The following AFF3 variants were observed in gnomAD, a reference collection of about 807,000 sequenced individuals.
AFF3 encodes the protein ALF transcription elongation factor 3.
A neutral mutation model predicts 129.7 loss-of-function variants in AFF3; 32 were observed. That is an observed-to-expected ratio of 0.25 (90% confidence interval 0.19 to 0.33). The LOEUF is 0.33. Ranked by LOEUF, AFF3 falls within the 10% of genes least tolerant of loss-of-function variation. AFF3 has a pLI of 1.00. For synonymous variants in AFF3, 644 were observed against 635.4 expected, an observed-to-expected ratio of 1.01 and a Z score of -0.20; for missense variants, 1,373 against 1,592.0, an observed-to-expected ratio of 0.86 and a Z score of 2.34.
chr2:99,711,044 T>A (rs977227658), intron 11 of AFF3, among the ~76,000 whole-genome samples: 3 of 152,084 alleles, frequency 2.0e-5, no homozygotes, highest in Non-Finnish European at 4.4e-5. Context: ...GGAGCCAGGC[T>A]TCCTCCTGTC....
intron 10 of AFF3, among the ~76,000 whole-genome samples, chr2:99,736,811 T>C (rs1052756263): frequency 6.6e-6 from 1 of 152,202 alleles, no homozygotes; most frequent in East Asian, 1.9e-4. Flanking sequence ...GGTTTCACCA[T>C]GTTGGCCAGG....
chr2:100,132,946 T>A (rs1364356105), intron 1 of AFF3, among the ~76,000 whole-genome samples: 1 of 151,688 alleles, frequency 6.6e-6, no homozygotes, highest in Non-Finnish European at 1.5e-5. Flanking sequence ...TTTTTTTTTT[T>A]AGATACGGGG....
chr2:99,607,449 T>C (rs1680479835), intron 13 of AFF3, among the ~76,000 whole-genome samples: 1 of 151,732 alleles, frequency 6.6e-6, no homozygotes, highest in South Asian at 2.1e-4. Context: ...GGAGAATTGC[T>C]TGAACCTGGG....
intron 4 of AFF3, among the ~76,000 whole-genome samples, chr2:100,078,552 G>C (rs1688784300): frequency 1.3e-5 from 2 of 152,154 alleles, no homozygotes; most frequent in African/African-American, 4.8e-5. Flanking sequence ...AAGAGCATCA[G>C]GTCTTGTTTT....
At chr2:99,919,349 T>C (rs775378098) in intron 7 of AFF3, among the ~76,000 whole-genome samples, 3 of 152,172 alleles carry the variant, frequency 2.0e-5, no homozygotes, top group Non-Finnish European at 2.9e-5. Flanking sequence ...ATCTGTTTTA[T>C]GCCCTCTTGT....
At chr2:99,882,841 C>T (rs1407466973) in intron 7 of AFF3, among the ~76,000 whole-genome samples, 1 of 152,150 alleles carries the variant, frequency 6.6e-6, no homozygotes, top group East Asian at 1.9e-4. Flanking sequence ...CAGTAATGCA[C>T]ATTTTGACGG....
chr2:99,549,469 C>T lies in AFF3; in HGVS notation c.*2005G>A. On this transcript the variant is annotated 3_prime_UTR_variant, in exon 25 of 25. Transcript: ENST00000672756. ...GCATGGTAGTGCACACCTGTAATCC[C>T]AGCTACTTGGGAGGCTGAGGCGGGA... 5.6e-6 allele frequency: 1 copy of T among 179,178 alleles called. No homozygotes were observed. Among genetic ancestry groups the T allele is most frequent in the East Asian group, 9.4e-5 (1 of 10,672 alleles). The allele number at this position is 179,178 out of a possible 1,614,324, so 11.1% of individuals were successfully genotyped here.
chr2:99,882,246 T>C (rs1442210433), intron 7 of AFF3, among the ~76,000 whole-genome samples: 2 of 152,240 alleles, frequency 1.3e-5, no homozygotes, highest in African/African-American at 4.8e-5. Context: ...GAGGTTTGCC[T>C]GATGTCCAGG....
chr2:99,572,320 C>T (rs1032545802), intron 18 of AFF3, among the ~76,000 whole-genome samples: 7 of 126,668 alleles, frequency 5.5e-5, no homozygotes, highest in Non-Finnish European at 9.5e-5. Flanking sequence ...TAGAAACACA[C>T]GGTCTTGGTT....
intron 4 of AFF3, among the ~76,000 whole-genome samples, chr2:100,073,227 C>T (rs1171238601): frequency 6.6e-6 from 1 of 152,194 alleles, no homozygotes; most frequent in Non-Finnish European, 1.5e-5. Flanking sequence ...TGAGGTCACT[C>T]TGGAGTAGGG....
chr2:100,028,878 G>A (rs1251895914), intron 4 of AFF3, among the ~76,000 whole-genome samples: 1 of 152,130 alleles, frequency 6.6e-6, no homozygotes, highest in Non-Finnish European at 1.5e-5. Context: ...AAAATTAAAA[G>A]TAGAATTATA....
chr2:99,633,528 TTCTG>T (rs1189815474), intron 13 of AFF3, among the ~76,000 whole-genome samples: 1 of 152,170 alleles, frequency 6.6e-6, no homozygotes, highest in Non-Finnish European at 1.5e-5. Context: ...AATATGGTTT[TTCTG>T]TCCCCCAACA....
intron 7 of AFF3, among the ~76,000 whole-genome samples, chr2:99,919,465 G>A (rs1193567491): frequency 6.6e-6 from 1 of 152,104 alleles, no homozygotes; most frequent in African/African-American, 2.4e-5. Flanking sequence ...CTGCCATTAA[G>A]AGCAGAGAAG....
intron 7 of AFF3, among the ~76,000 whole-genome samples, chr2:99,972,227 C>T (rs1377775456): frequency 6.6e-6 from 1 of 152,242 alleles, no homozygotes; most frequent in Non-Finnish European, 1.5e-5. Context: ...AAGACACAGG[C>T]TGGCTTCACA....
intron 9 of AFF3, 77 bp downstream of exon 9, chr2:99,752,144 C>T: frequency 7.8e-7 from 1 of 1,282,642 alleles, no homozygotes. Flanking sequence ...AAAAGACAAT[C>T]ACGGGTAAAG....
At chr2:99,780,037 G>A (rs1684266127) in intron 8 of AFF3, among the ~76,000 whole-genome samples, 1 of 152,212 alleles carries the variant, frequency 6.6e-6, no homozygotes, top group Non-Finnish European at 1.5e-5. Flanking sequence ...GACTACTGAA[G>A]TGTCTAATGA....
At chr2:99,594,607 T>A (rs923602691) in intron 14 of AFF3, among the ~76,000 whole-genome samples, 11 of 152,212 alleles carry the variant, frequency 7.2e-5, no homozygotes, top group African/African-American at 2.7e-4. Context: ...TAAATTTTTT[T>A]ATATAATTAT....
chr2:99,566,964 T>C (rs1270883966), intron 19 of AFF3, among the ~76,000 whole-genome samples: 1 of 151,688 alleles, frequency 6.6e-6, no homozygotes, highest in Admixed American at 6.6e-5. Flanking sequence ...GCAACATTTC[T>C]TTTTTCTTTT....
At chr2:99,610,008 A>T (rs1259822568) in intron 13 of AFF3, among the ~76,000 whole-genome samples, 1 of 152,034 alleles carries the variant, frequency 6.6e-6, no homozygotes, top group Non-Finnish European at 1.5e-5. Context: ...TGACCGATCG[A>T]CCTCGTGACA....
Sources: gnomAD v4.1 joint callset for allele counts (sites outside exome capture counted in the v4.1 genomes callset) on GRCh38, gnomAD v4.1.1 for gene constraint, MANE v1.5 for transcripts, NCBI Gene and HGNC (gene_info 2026-07-23, HGNC 2026-07-21) for gene names.